GALNTL6: variants seen among roughly 807,000 people sequenced by gnomAD.
The protein encoded by GALNTL6 is polypeptide N-acetylgalactosaminyltransferase-like 6.
A neutral mutation model predicts 73.7 loss-of-function variants in GALNTL6; 46 were observed. That is an observed-to-expected ratio of 0.62 (90% CI 0.49 to 0.80). GALNTL6 has a LOEUF of 0.80. Among genes scored for constraint, GALNTL6 ranks in the 30% least tolerant of loss-of-function variants. The pLI is 0.00. For missense variants in GALNTL6, 604 were observed against 755.0 expected (o/e 0.80, Z 2.34); for synonymous variants, 259 against 263.7 (o/e 0.98, Z 0.17).
At chr4:172,330,310 G>T (rs1193296946) in intron 4 of GALNTL6, among the ~76,000 whole-genome samples, 1 of 152,148 alleles carries the variant, frequency 6.6e-6, no homozygotes, top group Admixed American at 6.5e-5. Context: ...TTCATGAGGG[G>T]ATCTCCTGAC....
At chr4:172,868,749 A>T (rs1744782794) in intron 7 of GALNTL6, among the ~76,000 whole-genome samples, 1 of 152,242 alleles carries the variant, frequency 6.6e-6, no homozygotes, top group Non-Finnish European at 1.5e-5. Flanking sequence ...AACACTCTGT[A>T]CTTCATCACT....
chr4:172,415,737 A>G (rs1730807183), intron 5 of GALNTL6, among the ~76,000 whole-genome samples: 1 of 152,032 alleles, frequency 6.6e-6, no homozygotes, highest in African/African-American at 2.4e-5. Context: ...AAGGGCTTGC[A>G]ACTCTAAGGG....
At chr4:172,234,047 T>C (rs1425758086) in intron 3 of GALNTL6, among the ~76,000 whole-genome samples, 1 of 152,026 alleles carries the variant, frequency 6.6e-6, no homozygotes, top group East Asian at 1.9e-4. Context: ...AATTCCTCGT[T>C]GTTTGTAGTT....
At chr4:172,639,953 CCTGT>C (rs1201819391) in intron 5 of GALNTL6, among the ~76,000 whole-genome samples, 1 of 151,970 alleles carries the variant, frequency 6.6e-6, no homozygotes, top group Non-Finnish European at 1.5e-5. Context: ...TTTTATTATT[CCTGT>C]CTTTTTTAAA....
chr4:171,865,867 A>G (rs1735957094), intron 2 of GALNTL6, among the ~76,000 whole-genome samples: 1 of 152,186 alleles, frequency 6.6e-6, no homozygotes, highest in Non-Finnish European at 1.5e-5. Flanking sequence ...TCATGATTGC[A>G]TTCTGTCAAT....
intron 2 of GALNTL6, among the ~76,000 whole-genome samples, chr4:172,005,395 G>T (rs1017389108): frequency 2.0e-5 from 3 of 152,030 alleles, no homozygotes; most frequent in African/African-American, 7.3e-5. Flanking sequence ...CCAAACTGTT[G>T]GGATTACAGG....
intron 2 of GALNTL6, among the ~76,000 whole-genome samples, chr4:171,999,824 C>T (rs1344001222): frequency 6.6e-6 from 1 of 152,018 alleles, no homozygotes; most frequent in Non-Finnish European, 1.5e-5. Flanking sequence ...TATTTTTGTA[C>T]TTTGAAGCAA....
chr4:171,905,373 C>G (rs929706482), intron 2 of GALNTL6, among the ~76,000 whole-genome samples: 2 of 152,032 alleles, frequency 1.3e-5, no homozygotes, highest in Non-Finnish European at 2.9e-5. Flanking sequence ...GACTTTAAAC[C>G]AACAAAGATC....
Position 171,879,635 on chromosome 4 carries a change from A to T in GALNTL6, c.138+64917A>T, listed in dbSNP as rs545797796. On this transcript the variant is annotated intron_variant, in intron 2 of 12. Coordinates refer to ENST00000506823, the MANE Select transcript of GALNTL6 (RefSeq NM_001034845.3). ...ATCCACTAGGAAACAAATTTTAATA[A>T]ATCATATTTCTTGTTTAAAAAAATG... 2.3e-4 allele frequency among the ~76,000 whole-genome samples: 35 copies of T among 152,334 alleles called. 2 individuals are homozygous for T. In the East Asian group the frequency reaches 5.4e-3, roughly 23 times the overall value.
At chr4:172,654,782 A>T (rs968425505) in intron 5 of GALNTL6, among the ~76,000 whole-genome samples, 6 of 152,082 alleles carry the variant, frequency 3.9e-5, no homozygotes, top group Non-Finnish European at 8.8e-5. Context: ...AAACCACAAC[A>T]TTTTCTTTTT....
chr4:172,248,635 T>A (rs1737742045), intron 3 of GALNTL6, among the ~76,000 whole-genome samples: 1 of 152,180 alleles, frequency 6.6e-6, no homozygotes, highest in African/African-American at 2.4e-5. Context: ...AAGCTCATCT[T>A]GAATTGTAGT....
At position 172,851,997 on chromosome 4, in the gene GALNTL6, C is replaced by A. The variant is rs113146188; in HGVS notation, c.924-30793C>A. 4.3e-3 allele frequency among the ~76,000 whole-genome samples: 653 copies of A among 152,232 alleles called. 7 individuals are homozygous for A. The highest frequency in any genetic ancestry group is 0.015 in the African/African-American group (606 of 41,542). ...AAGGACAGCAAAATCTCAACCCCAG[C>A]CAATCTGAGCCATCTTCAGGTTCAG... On this transcript the variant is annotated intron_variant, in intron 7 of 12. Transcript: ENST00000506823.
At chr4:172,562,625 G>A (rs756309492) in intron 5 of GALNTL6, among the ~76,000 whole-genome samples, 6 of 152,130 alleles carry the variant, frequency 3.9e-5, no homozygotes, top group South Asian at 2.1e-4. Flanking sequence ...CCCTTATCCC[G>A]GCCTCTTCTC....
At chr4:172,596,246 A>G (rs1230560697) in intron 5 of GALNTL6, among the ~76,000 whole-genome samples, 2 of 151,976 alleles carry the variant, frequency 1.3e-5, no homozygotes, top group Admixed American at 1.3e-4. Flanking sequence ...ACTTGAGCTC[A>G]GGAGTTTGAG....
intron 2 of GALNTL6, among the ~76,000 whole-genome samples, chr4:172,050,746 C>T (rs115862718): frequency 0.014 from 2,165 of 152,224 alleles, 45 homozygotes; most frequent in African/African-American, 0.049. Context: ...CTTCTCCAGG[C>T]TAGCTAGGTC....
At chr4:172,686,272 A>G (rs1283812244) in intron 5 of GALNTL6, among the ~76,000 whole-genome samples, 2 of 151,906 alleles carry the variant, frequency 1.3e-5, no homozygotes, top group African/African-American at 4.8e-5. Context: ...TCCTTGCTCT[A>G]TTGTGGTCCT....
intron 2 of GALNTL6, among the ~76,000 whole-genome samples, chr4:172,020,375 C>T (rs1273328995): frequency 7.0e-6 from 1 of 142,622 alleles, no homozygotes; most frequent in African/African-American, 2.5e-5. Context: ...CAAAAGGTTG[C>T]TTTTTTTTTT....
intron 2 of GALNTL6, among the ~76,000 whole-genome samples, chr4:171,885,624 A>G (rs906212507): frequency 6.6e-6 from 1 of 152,014 alleles, no homozygotes; most frequent in African/African-American, 2.4e-5. Flanking sequence ...TGGGAAACAC[A>G]GTGAGACCCT....
chr4:172,830,323 A>C (rs1742554291), intron 7 of GALNTL6, among the ~76,000 whole-genome samples: 1 of 152,240 alleles, frequency 6.6e-6, no homozygotes, highest in African/African-American at 2.4e-5. Flanking sequence ...TTCTATTTTT[A>C]AATTCAGAAT....
Sources: allele counts gnomAD v4.1 joint callset (sites outside exome capture counted in the v4.1 genomes callset), GRCh38; gene constraint gnomAD v4.1.1; transcripts MANE v1.5; gene names NCBI Gene and HGNC (gene_info 2026-07-23, HGNC 2026-07-21).